DNAH1: variants seen among roughly 807,000 people sequenced by gnomAD.
DNAH1 encodes the protein axonemal beta dynein heavy chain 1.
DNAH1 carries 327 observed loss-of-function variants against 484.3 expected under a neutral mutation model. The ratio of observed to expected loss-of-function variants is 0.68; its 90% CI spans 0.62 to 0.74. The LOEUF (loss-of-function observed/expected upper bound fraction) is 0.74, where lower values mean the gene tolerates loss of function less well. Ranked by LOEUF, DNAH1 falls within the 30% of genes least tolerant of loss-of-function variation. DNAH1 has a pLI of 0.00. For synonymous variants in DNAH1, 2,192 were observed against 2,191.9 expected (o/e 1.00, Z 0.00); for missense variants, 5,052 against 5,546.8 (o/e 0.91, Z 2.83).
At chr3:52,322,113 G>T (rs915452338) in intron 1 of DNAH1, among the ~76,000 whole-genome samples, 12 of 152,152 alleles carry the variant, frequency 7.9e-5, no homozygotes, top group African/African-American at 2.9e-4. Context: ...GACAAGTGCA[G>T]TCGCATGCAT....
intron 8 of DNAH1, among the ~76,000 whole-genome samples, chr3:52,343,603 G>A (rs763859698): frequency 2.0e-5 from 3 of 152,120 alleles, no homozygotes; most frequent in South Asian, 2.1e-4. Context: ...CCCTGCCTAC[G>A]AAGTTCTCCA....
At chr3:52,378,196 C>T (rs1703686225) in intron 46 of DNAH1, among the ~76,000 whole-genome samples, 2 of 151,934 alleles carry the variant, frequency 1.3e-5, no homozygotes, top group Admixed American at 6.6e-5. Context: ...CCAAGCCTCC[C>T]CACGCCCACT....
chr3:52,385,012 C>T, intron 53 of DNAH1, 35 bp downstream of exon 53: 1 of 1,589,028 alleles, frequency 6.3e-7, no homozygotes, highest in Non-Finnish European at 8.6e-7. Flanking sequence ...ACAAGGTCAG[C>T]TGCCTGCAGG....
At chr3:52,334,371 T>C (rs2335640) in intron 8 of DNAH1, among the ~76,000 whole-genome samples, 29,402 of 152,042 alleles carry the variant, frequency 0.19, 3,347 homozygotes, top group African/African-American at 0.31. Flanking sequence ...AGTGAGTGAG[T>C]GGTGACTGAA....
In DNAH1 at chr3:52,393,468, G is replaced by A. The variant is rs376414797; in HGVS notation, c.10609G>A (p.Glu3537Lys). The A allele has an allele frequency of 3.6e-5, 58 of 1,614,000 alleles. No individual in the cohort carries two copies. Among genetic ancestry groups the A allele is most frequent in the East Asian group, 3.6e-4 (16 of 44,890 alleles). Residue 3537 changes from glutamate (E) to lysine (K), a missense_variant, in exon 66 of 78, where the codon GAG (glutamate) becomes AAG (lysine). By Grantham distance (56) the Glu-to-Lys change is moderately conservative. This residue lies in a region of DNAH1 where 2,929 missense variants were observed against 3,409.4 expected (regional missense o/e 0.86). Transcript: ENST00000420323. ...FLLCVRIMMN[E>K]GKINQSEWRY... Reference sequence around the variant, plus strand: ...GCTGTGTGTTCGCATCATGATGAACGAGGGCAAAATCAACCAGGTGCTGGC... The same window carrying A: ...GCTGTGTGTTCGCATCATGATGAACAAGGGCAAAATCAACCAGGTGCTGGC...
intron 4 of DNAH1, 147 bp from the exon 5 acceptor site, chr3:52,326,588 C>T: frequency 9.4e-7 from 1 of 1,065,980 alleles, no homozygotes; most frequent in Non-Finnish European, 1.3e-6. Flanking sequence ...ACACCACTTC[C>T]TGATGAGTCT....
chr3:52,352,801 T>TG, intron 18 of DNAH1, 94 bp downstream of exon 18: 5 of 1,481,316 alleles, frequency 3.4e-6, no homozygotes, highest in Non-Finnish European at 4.5e-6. Flanking sequence ...CTCTGGCATT[T>TG]GGGGGCAGGA....
chr3:52,359,931 G>C lies in DNAH1; in HGVS notation c.4423G>C (p.Ala1475Pro). Residue 1475 changes from alanine to proline, a missense_variant, in exon 27 of 78, where the codon GCC (alanine) becomes CCC (proline). This residue lies in a region of DNAH1 where 2,929 missense variants were observed against 3,409.4 expected (regional missense o/e 0.86). Transcript: ENST00000420323. ...ATTTCTGCAGCTCAGTGATCTGGTGGCCCTTGTGCGGGGGAAGCTGTCCCG... is the reference window on the plus strand; with the variant it reads ...ATTTCTGCAGCTCAGTGATCTGGTGCCCCTTGTGCGGGGGAAGCTGTCCCG... ...QLCQQLSDLV[A>P]LVRGKLSRMQ... The C allele has an allele frequency of 6.2e-7, 1 of 1,613,804 alleles. No homozygotes were observed. Among genetic ancestry groups the C allele is most frequent in the Admixed American group, 1.7e-5 (1 of 60,022 alleles).
intron 20 of DNAH1, 39 bp from the exon 21 acceptor site, chr3:52,354,804 C>A: frequency 6.2e-7 from 1 of 1,603,116 alleles, no homozygotes; most frequent in Non-Finnish European, 8.5e-7. Flanking sequence ...TCAGGACCAG[C>A]CCCTCCCAGG....
intron 1 of DNAH1, among the ~76,000 whole-genome samples, chr3:52,320,936 G>A (rs1181723127): frequency 1.3e-5 from 2 of 151,074 alleles, no homozygotes; most frequent in Non-Finnish European, 2.9e-5. Context: ...GAGTAGCTAG[G>A]ATTACAAGTG....
chr3:52,370,210 A>C lies in DNAH1; in HGVS notation c.6239A>C (p.Lys2080Thr). ...CTCAAGCTGCTGGACTGCTTCTTCA[A>C]GCCCTTTCTGCCTAGAGAGGTACAG... ...SLLKLLDCFF[K>T]PFLPREGLKK... The change falls in exon 39 of 78, where the codon AAG (lysine) becomes ACG (threonine). Residue 2080 changes from lysine to threonine, a missense_variant. This residue lies in a region of DNAH1 where 2,929 missense variants were observed against 3,409.4 expected (regional missense o/e 0.86). Transcript: ENST00000420323. The C allele has an allele frequency of 6.2e-7, 1 of 1,613,938 alleles. No homozygotes were observed. The highest frequency in any genetic ancestry group is 1.1e-5 in the South Asian group (1 of 91,060).
At chr3:52,363,197 C>A in intron 32 of DNAH1, 53 bp downstream of exon 32, 2 of 1,600,442 alleles carry the variant, frequency 1.2e-6, no homozygotes, top group South Asian at 1.1e-5. Context: ...TGCCTGCTCC[C>A]AGCCTCCAGG....
intron 1 of DNAH1, among the ~76,000 whole-genome samples, chr3:52,319,400 A>G (rs1701062965): frequency 1.3e-5 from 2 of 152,236 alleles, no homozygotes; most frequent in Admixed American, 6.5e-5. Flanking sequence ...CAGGTCACCT[A>G]ACTTCTCTGA....
chr3:52,344,750 A>G, intron 9 of DNAH1, 103 bp downstream of exon 9: 1 of 1,294,664 alleles, frequency 7.7e-7, no homozygotes, highest in South Asian at 1.4e-5. Context: ...TGTGGGCGTC[A>G]TCAGCCCAAC....
In DNAH1 at chr3:52,368,483, C is replaced by T. The variant is rs1210442637; in HGVS notation, c.5766-258C>T. The stretch of plus-strand genomic sequence containing the variant: ...GCACTTCCTCCATCTCTGCTATTGC[C>T]TCCTCCCCTGCTCCCTTTTTCCTGT... On this transcript the variant is annotated intron_variant, in intron 36 of 77. Coordinates refer to ENST00000420323, the MANE Select transcript of DNAH1 (RefSeq NM_015512.5). This position sits in a 1 kb window ranked among gnomAD's most constrained non-coding sequence, Gnocchi z 4.4. 6.6e-6 allele frequency among the ~76,000 whole-genome samples: 1 copy of T among 152,200 alleles called. No homozygotes were observed. The highest frequency in any genetic ancestry group is 1.9e-4 in the East Asian group (1 of 5,204).
chr3:52,344,537 A>G lies in DNAH1; in HGVS notation c.1334A>G (p.Tyr445Cys), dbSNP rs368687619. 2 of 1,614,016 alleles carry G rather than the reference A, an allele frequency of 1.2e-6. No individual in the cohort carries two copies. Among genetic ancestry groups the G allele is most frequent in the Non-Finnish European group, 1.7e-6 (2 of 1,179,854 alleles). Residue 445 changes from tyrosine to cysteine, a missense_variant, in exon 9 of 78, where the codon TAT becomes TGT. Physicochemically the swap from Tyr to Cys is radical, Grantham distance 194 (BLOSUM62 -2). Coordinates refer to ENST00000420323, the MANE Select transcript of DNAH1 (RefSeq NM_015512.5). The part of the protein sequence containing the change: ...SSLAREVSLD[Y>C]ERSMNKINFD... The stretch of plus-strand genomic sequence containing the variant: ...CTTGCCAGAGAAGTGAGCCTGGACT[A>G]TGAGCGCAGCATGAACAAGATCAAC...
At position 52,383,928 on chromosome 3, in the gene DNAH1, A is replaced by C; in HGVS notation, c.8219A>C (p.Asp2740Ala). The stretch of plus-strand genomic sequence containing the variant: ...TCCCTGGTCAACTGCTGTACCATCG[A>C]CTGGTTTAACGAGTGGCCGGCAGAA... ...FPSLVNCCTI[D>A]WFNEWPAEAL... is the part of the protein sequence containing the mutation. Residue 2740 changes from aspartate to alanine, a missense_variant, in exon 52 of 78, where the codon GAC (aspartate) becomes GCC (alanine). Asp to Ala is a moderately radical substitution (Grantham distance 126). This residue lies in a region of DNAH1 where 2,929 missense variants were observed against 3,409.4 expected (regional missense o/e 0.86). Transcript: ENST00000420323. 6.2e-7 allele frequency: 1 copy of C among 1,613,432 alleles called. No individual in the cohort carries two copies. Among genetic ancestry groups the C allele is most frequent in the Non-Finnish European group, 8.5e-7 (1 of 1,179,624 alleles).
rs1235356685 is a variant in DNAH1, at chr3:52,355,044, A to G, written c.3682A>G (p.Lys1228Glu). The G allele has an allele frequency of 1.2e-5, 19 of 1,613,458 alleles. No homozygotes were observed. The highest frequency in any genetic ancestry group is 1.4e-5 in the Non-Finnish European group (17 of 1,179,862). ...CATCAACTCCTGGGAGAACAAACTG[A>G]AGCTGACCCAGGTCGGCCCTCCCCC... is the stretch of plus-strand genomic sequence containing the variant. ...QRINSWENKL[K>E]LTQEVLEEWL... Residue 1228 changes from lysine (K) to glutamate (E), a missense_variant, in exon 21 of 78, where the codon AAG (lysine) becomes GAG (glutamate). Transcript: ENST00000420323. The surrounding 1 kb of genome is among the most constrained non-coding windows in gnomAD (Gnocchi z 4.5).
Position 52,379,307 on chromosome 3 carries a change from G to A in DNAH1, c.7377+527G>A, listed in dbSNP as rs1180921209. Among the ~76,000 whole-genome samples, 1 of 152,200 alleles carries A rather than the reference G, an allele frequency of 6.6e-6. No individual in the cohort carries two copies. The highest frequency in any genetic ancestry group is 1.5e-5 in the Non-Finnish European group (1 of 68,036). On this transcript the variant is annotated intron_variant, in intron 47 of 77. Transcript: ENST00000420323. The surrounding 1 kb of genome is among the most constrained non-coding windows in gnomAD (Gnocchi z 4.4). ...CCAGTGTGTGTGTAGCCCAGGCTAA[G>A]GAGATGGGGTGAGCAGGACAGAAGC...
Sources: gnomAD v4.1 joint callset for allele counts (sites outside exome capture counted in the v4.1 genomes callset) on GRCh38, gnomAD v4.1.1 for gene constraint, gnomAD v4.1.1 regional missense constraint, Gnocchi (gnomAD v3.1) non-coding constraint, MANE v1.5 for transcripts, NCBI Gene and HGNC (gene_info 2026-07-23, HGNC 2026-07-21) for gene names.